Variants in TMEM176B observed in about 807,000 individuals in gnomAD.
TMEM176B encodes transmembrane protein 176B, also known as LR8-like protein.
A neutral mutation model predicts 30.3 loss-of-function variants in TMEM176B; 28 were observed. That is an observed-to-expected ratio of 0.92 (90% CI 0.68 to 1.27). TMEM176B has a LOEUF of 1.27. Among genes scored for constraint, TMEM176B ranks in the 50% most tolerant of loss-of-function variants. The pLI is 0.00. For synonymous variants in TMEM176B, 123 were observed against 130.3 expected (o/e 0.94, Z 0.38); for missense variants, 349 against 327.4 (o/e 1.07, Z -0.51).
At chr7:150,801,142 C>T, upstream of TMEM176B, 1 of 273,786 alleles carries the variant, frequency 3.7e-6, no homozygotes, top group South Asian at 1.4e-4. Context: ...AGGAGCTCCA[C>T]AGGCAGCCAA....
intron 5 of TMEM176B, among the ~76,000 whole-genome samples, 171 bp downstream of exon 5, chr7:150,792,917 C>G (rs752004017): frequency 6.6e-6 from 1 of 152,116 alleles, no homozygotes; most frequent in Non-Finnish European, 1.5e-5. Context: ...AGAGAATCTT[C>G]GTGTCATGAG....
chr7:150,797,362 G>A (rs1262301751), intron 1 of TMEM176B, among the ~76,000 whole-genome samples: 1 of 152,200 alleles, frequency 6.6e-6, no homozygotes, highest in Non-Finnish European at 1.5e-5. Flanking sequence ...ATAACAGAGA[G>A]AGGCTCTCCA....
chr7:150,792,300 G>A, intron 5 of TMEM176B, 125 bp from the exon 6 acceptor site: 21 of 1,295,584 alleles, frequency 1.6e-5, no homozygotes, highest in Non-Finnish European at 2.2e-5. Flanking sequence ...ACAGCTGACT[G>A]TGTTTCCAGC....
chr7:150,796,594 T>G lies in TMEM176B; in HGVS notation c.-5-20A>C. ...TCCTGCCTGCCAGGGAGAAGACATATAGCAGTGAGGTCTGGGAACTAGGCG... is the reference window on the plus strand; with the variant it reads ...TCCTGCCTGCCAGGGAGAAGACATAGAGCAGTGAGGTCTGGGAACTAGGCG... On this transcript the variant is annotated intron_variant, in intron 1 of 6. Transcript: ENST00000326442. The G allele has an allele frequency of 6.2e-7, 1 of 1,612,116 alleles. No individual in the cohort carries two copies. The highest frequency in any genetic ancestry group is 8.5e-7 in the Non-Finnish European group (1 of 1,179,162).
At chr7:150,794,808 G>C (rs976833798) in intron 2 of TMEM176B, among the ~76,000 whole-genome samples, 1 of 151,412 alleles carries the variant, frequency 6.6e-6, no homozygotes, top group Non-Finnish European at 1.5e-5. Flanking sequence ...ACCCAACTCC[G>C]ACTCAGAAGA....
At chr7:150,796,953 CA>C (rs201514860) in intron 1 of TMEM176B, among the ~76,000 whole-genome samples, 1 of 151,036 alleles carries the variant, frequency 6.6e-6, no homozygotes. Flanking sequence ...GACTCCATCT[CA>C]AAAAAAACAA....
intron 2 of TMEM176B, among the ~76,000 whole-genome samples, chr7:150,795,965 G>A (rs913866288): frequency 9.2e-5 from 14 of 152,068 alleles, no homozygotes; most frequent in Non-Finnish European, 1.9e-4. Flanking sequence ...AAAAGCACTC[G>A]GGGCACAAAA....
At chr7:150,801,318 T>C (rs1798775612), upstream of TMEM176B, 2 of 479,966 alleles carry the variant, frequency 4.2e-6, no homozygotes, top group Non-Finnish European at 3.6e-6. Flanking sequence ...AAAGGGGAGG[T>C]TCCCGCAGGC....
chr7:150,791,303 C>T lies in TMEM176B; in HGVS notation c.*228G>A. On this transcript the variant is annotated 3_prime_UTR_variant, in exon 7 of 7. Transcript: ENST00000326442. Reference sequence around the variant, plus strand: ...AACCATATCTTTCTGGGCAAAACTGCTTTTCTGGATTGTTTATTATGTTTA... The same window carrying T: ...AACCATATCTTTCTGGGCAAAACTGTTTTTCTGGATTGTTTATTATGTTTA... 1 of 449,108 alleles carries T rather than the reference C, an allele frequency of 2.2e-6. No homozygotes were observed. The highest frequency in any genetic ancestry group is 3.4e-5 in the East Asian group (1 of 29,486). 27.8% of individuals were successfully genotyped at this position (449,108 alleles called of 1,614,324 possible).
At position 150,793,971 on chromosome 7, in the gene TMEM176B, G is replaced by GCC. The variant is rs758576331; in HGVS notation, c.303_304dup (p.Ala102GlyfsTer6). The stretch of plus-strand genomic sequence containing the variant: ...CTGTTCCTTACTCACCACAGACCCC[G>GCC]CCCAGAAGGCACAGCCTGAGGCACT... On this transcript the variant is annotated frameshift_variant, in exon 3 of 7. Transcript: ENST00000326442. LOFTEE classifies it high-confidence loss of function. The GCC allele has an allele frequency of 5.0e-6, 8 of 1,607,346 alleles. No individual in the cohort carries two copies. The highest frequency in any genetic ancestry group is 5.1e-6 in the Non-Finnish European group (6 of 1,177,120).
chr7:150,796,466 T>A lies in TMEM176B; in HGVS notation c.104A>T (p.Gln35Leu), dbSNP rs752004638. 1.2e-5 allele frequency: 20 copies of A among 1,614,060 alleles called. No homozygotes were observed. Among genetic ancestry groups the A allele is most frequent in the Non-Finnish European group, 1.7e-5 (20 of 1,180,028 alleles). The change falls in exon 2 of 7, where the codon CAA becomes CTA. Residue 35 changes from glutamine to leucine, a missense_variant. Transcript: ENST00000326442. ...CAGAGAACCTCCAGCTTTCAGCAGT[T>A]GTGTCAAAGCTGACTCCTGGTGGAT... Reference protein sequence around the residue: ...VHIHQESALTQLLKAGGSLKK... With the variant: ...VHIHQESALTLLLKAGGSLKK...
In TMEM176B at chr7:150,798,567, G is replaced by T. The variant is rs554687077; in HGVS notation, c.-6+1731C>A. On this transcript the variant is annotated intron_variant, in intron 1 of 6. Transcript: ENST00000326442. The stretch of plus-strand genomic sequence containing the variant: ...TGAGATTACAGGCGTGAGCCACCGC[G>T]CCCGGCCAGTTCTCTTTTTTTAGAG... Among the ~76,000 whole-genome samples, 4 of 151,126 alleles carry T rather than the reference G, an allele frequency of 2.6e-5. No homozygotes were observed. In the South Asian group the frequency reaches 8.4e-4, roughly 32 times the overall value.
intron 1 of TMEM176B, among the ~76,000 whole-genome samples, chr7:150,798,657 C>T (rs1798625524): frequency 6.6e-6 from 1 of 152,104 alleles, no homozygotes; most frequent in South Asian, 2.1e-4. Flanking sequence ...AGCAATCCTC[C>T]CACCTCAGCC....
Position 150,793,551 on chromosome 7 carries a change from T to G in TMEM176B, c.365A>C (p.Lys122Thr). The G allele has an allele frequency of 1.2e-6, 2 of 1,613,304 alleles. No individual in the cohort carries two copies. Among genetic ancestry groups the G allele is most frequent in the Non-Finnish European group, 1.7e-6 (2 of 1,179,712 alleles). The change falls in exon 4 of 7, where the codon AAA (lysine) becomes ACA (threonine). Residue 122 changes from lysine (K) to threonine (T), a missense_variant. Physicochemically the swap from Lys to Thr is moderately conservative, Grantham distance 78 (BLOSUM62 -1). Transcript: ENST00000326442. Reference sequence around the variant, plus strand: ...AGGGTGTCCAAGACTCACAGCAAGTTTGCCCGGGTGCTTCTCATGGACAAT... The same window carrying G: ...AGGGTGTCCAAGACTCACAGCAAGTGTGCCCGGGTGCTTCTCATGGACAAT... ...GAIVHEKHPG[K>T]LAGYISSLLT...
chr7:150,801,030 G>C, upstream of TMEM176B: 1 of 977,604 alleles, frequency 1.0e-6, no homozygotes, highest in Non-Finnish European at 1.2e-6. Context: ...GGGCAGGGGC[G>C]GCGTGAACCC....
At chr7:150,799,188 C>T (rs940241285) in intron 1 of TMEM176B, among the ~76,000 whole-genome samples, 15 of 152,174 alleles carry the variant, frequency 9.9e-5, no homozygotes, top group African/African-American at 4.8e-5. Context: ...CTGAAAGATA[C>T]GTTCCATTTG....
At chr7:150,795,174 G>A (rs542292727) in intron 2 of TMEM176B, among the ~76,000 whole-genome samples, 6 of 152,236 alleles carry the variant, frequency 3.9e-5, no homozygotes, top group African/African-American at 1.4e-4. Flanking sequence ...GATGCCTCCT[G>A]ACTCTGAGGC....
Position 150,791,618 on chromosome 7 carries a change from C to T in TMEM176B, c.726G>A (p.Glu242=), listed in dbSNP as rs1798310350. ...LCGQSSQPLN[E]EGSEKRLLGE... ...CCAGTAGCCTCTTCTCTGATCCTTC[C>T]TCATTCTGGAAAAAAAAGAAAAAAG... The change falls in exon 7 of 7, where the codon GAG becomes GAA. Residue 242 remains glutamate (E), a synonymous_variant. Transcript: ENST00000326442. The T allele has an allele frequency of 6.2e-7, 1 of 1,613,074 alleles. No individual in the cohort carries two copies. Among genetic ancestry groups the T allele is most frequent in the African/African-American group, 1.3e-5 (1 of 74,730 alleles).
At chr7:150,791,746 A>G in intron 6 of TMEM176B, 123 bp from the exon 7 acceptor site, 1 of 942,214 alleles carries the variant, frequency 1.1e-6, no homozygotes, top group East Asian at 2.7e-5. Flanking sequence ...GGAAAAGCAG[A>G]TCAGGCAAAA....
Sources: allele counts gnomAD v4.1 joint callset (sites outside exome capture counted in the v4.1 genomes callset), GRCh38; gene constraint gnomAD v4.1.1; transcripts MANE v1.5; gene names NCBI Gene and HGNC (gene_info 2026-07-23, HGNC 2026-07-21).